The following PDLIM5 variants were observed in gnomAD, a reference collection of about 807,000 sequenced individuals.
PDLIM5 encodes PDZ and LIM domain protein 5.
A neutral mutation model predicts 64.2 loss-of-function variants in PDLIM5; 34 were observed. The ratio of observed to expected loss-of-function variants is 0.53; its 90% CI spans 0.40 to 0.71. PDLIM5 has a LOEUF of 0.71. PDLIM5 is among the 30% of genes least tolerant of loss of function. The pLI is 0.00. For missense variants in PDLIM5, 683 were observed against 733.6 expected, an observed-to-expected ratio of 0.93 and a Z score of 0.80; for synonymous variants, 253 against 269.1, an observed-to-expected ratio of 0.94 and a Z score of 0.59.
intron 2 of PDLIM5, among the ~76,000 whole-genome samples, chr4:94,515,000 A>C (rs971365086): frequency 2.6e-5 from 4 of 152,240 alleles, no homozygotes; most frequent in African/African-American, 9.6e-5. Context: ...CACTTTATGT[A>C]TAACAACAAA....
intron 3 of PDLIM5, among the ~76,000 whole-genome samples, chr4:94,571,500 C>G (rs949127090): frequency 5.3e-5 from 8 of 152,142 alleles, no homozygotes; most frequent in African/African-American, 1.9e-4. Context: ...GACCCCATAG[C>G]ACAAAGCCGT....
intron 3 of PDLIM5, 21 bp downstream of exon 3, chr4:94,523,896 C>T (rs749230520): frequency 1.9e-6 from 3 of 1,591,230 alleles, no homozygotes; most frequent in African/African-American, 1.3e-5. Context: ...TTTTGTTTGT[C>T]CCTGAAAGAG....
chr4:94,587,127 T>G (rs1736290668), intron 7 of PDLIM5: 4 of 1,559,918 alleles, frequency 2.6e-6, no homozygotes, highest in African/African-American at 1.4e-5. Flanking sequence ...ACCTTTTCAT[T>G]TACTTTTTTT....
At chr4:94,567,079 C>T (rs185097670) in intron 3 of PDLIM5, among the ~76,000 whole-genome samples, 233 of 152,300 alleles carry the variant, frequency 1.5e-3, no homozygotes, top group African/African-American at 5.2e-3. Flanking sequence ...CTGCAAGCTC[C>T]GCCTCCCGGT....
chr4:94,564,148 G>A (rs1734084396), intron 3 of PDLIM5, among the ~76,000 whole-genome samples: 1 of 151,878 alleles, frequency 6.6e-6, no homozygotes, highest in Admixed American at 6.6e-5. Flanking sequence ...ATTCTTAATA[G>A]AGACAGGGTT....
At position 94,665,084 on chromosome 4, in the gene PDLIM5, A is replaced by T. The variant is rs1346461694; in HGVS notation, c.*1017A>T. 2.1e-6 allele frequency: 2 copies of T among 964,584 alleles called. No individual in the cohort carries two copies. 59.8% of individuals were successfully genotyped at this position (964,584 alleles called of 1,614,324 possible). ...ATGTGATTGTTTCTATTCATTGTGT[A>T]TGCTTCATCACCTATATTAGGCAAA... is the stretch of plus-strand genomic sequence containing the variant. On this transcript the variant is annotated 3_prime_UTR_variant, in exon 13 of 13. Coordinates refer to ENST00000317968, the MANE Select transcript of PDLIM5 (RefSeq NM_006457.5).
intron 2 of PDLIM5, among the ~76,000 whole-genome samples, chr4:94,488,576 A>G (rs1047722563): frequency 1.3e-5 from 2 of 152,236 alleles, no homozygotes; most frequent in Non-Finnish European, 2.9e-5. Flanking sequence ...GTAAGTAGCC[A>G]TGGAACAAAC....
chr4:94,524,609 T>A (rs1327020503), intron 3 of PDLIM5, among the ~76,000 whole-genome samples: 2 of 152,028 alleles, frequency 1.3e-5, no homozygotes, highest in African/African-American at 4.8e-5. Flanking sequence ...CTTTTTGAAC[T>A]TATTGCTTTC....
intron 5 of PDLIM5, chr4:94,579,659 C>T (rs1253149603): frequency 4.4e-6 from 2 of 452,864 alleles, no homozygotes; most frequent in Middle Eastern, 4.5e-4. Flanking sequence ...AGAATAACCA[C>T]ATTTAGTATT....
chr4:94,467,927 A>G (rs80055338), intron 2 of PDLIM5, among the ~76,000 whole-genome samples: 1,935 of 152,304 alleles, frequency 0.013, 22 homozygotes, highest in Non-Finnish European at 0.018. Context: ...TTCTCTCATG[A>G]CAGCTTCCCT....
intron 2 of PDLIM5, among the ~76,000 whole-genome samples, chr4:94,512,442 T>C (rs971524803): frequency 1.3e-5 from 2 of 152,210 alleles, no homozygotes; most frequent in African/African-American, 2.4e-5. Flanking sequence ...GCATTTGTTA[T>C]TGCCTGTATT....
intron 4 of PDLIM5, among the ~76,000 whole-genome samples, chr4:94,575,413 G>A (rs1467447549): frequency 6.6e-6 from 1 of 152,024 alleles, no homozygotes; most frequent in Non-Finnish European, 1.5e-5. Context: ...CCTAATGTGT[G>A]CATCTGTGTT....
intron 2 of PDLIM5, among the ~76,000 whole-genome samples, chr4:94,510,758 A>G (rs1728800028): frequency 6.6e-6 from 1 of 152,134 alleles, no homozygotes; most frequent in African/African-American, 2.4e-5. Context: ...CTGTAATCCT[A>G]GCACTTTGGG....
chr4:94,528,263 CCTA>C (rs1425800747), intron 3 of PDLIM5, among the ~76,000 whole-genome samples: 1 of 152,182 alleles, frequency 6.6e-6, no homozygotes, highest in Non-Finnish European at 1.5e-5. Context: ...ACAGTCTGTT[CCTA>C]CTATCGCACC....
intron 2 of PDLIM5, among the ~76,000 whole-genome samples, chr4:94,482,663 G>A (rs556652469): frequency 2.0e-5 from 3 of 152,184 alleles, no homozygotes; most frequent in Non-Finnish European, 4.4e-5. Flanking sequence ...TTAGGAGGCC[G>A]AGGCAGGAGG....
chr4:94,528,089 T>G (rs1445638870), intron 3 of PDLIM5, among the ~76,000 whole-genome samples: 3 of 152,162 alleles, frequency 2.0e-5, no homozygotes, highest in Non-Finnish European at 4.4e-5. Flanking sequence ...TCACCACCAC[T>G]CATCACTGAA....
chr4:94,486,194 C>G (rs1726320002), intron 2 of PDLIM5, among the ~76,000 whole-genome samples: 1 of 152,012 alleles, frequency 6.6e-6, no homozygotes, highest in Admixed American at 6.6e-5. Context: ...ATAGTGTACA[C>G]ATTTTTTTTT....
At chr4:94,641,781 T>C (rs1183636390) in intron 9 of PDLIM5, among the ~76,000 whole-genome samples, 2 of 152,118 alleles carry the variant, frequency 1.3e-5, no homozygotes, top group Non-Finnish European at 2.9e-5. Context: ...GTAGTAATAG[T>C]GGTTATGGGG....
intron 9 of PDLIM5, among the ~76,000 whole-genome samples, chr4:94,653,349 A>G (rs76398421): frequency 6.6e-6 from 1 of 152,128 alleles, no homozygotes; most frequent in Non-Finnish European, 1.5e-5. Context: ...GACAAATTAG[A>G]TAAGTGTAAA....
Sources: gnomAD v4.1 joint callset for allele counts (sites outside exome capture counted in the v4.1 genomes callset) on GRCh38, gnomAD v4.1.1 for gene constraint, MANE v1.5 for transcripts, NCBI Gene and HGNC (gene_info 2026-07-23, HGNC 2026-07-21) for gene names.